HMCN2: variants seen among roughly 807,000 people sequenced by gnomAD.
HMCN2 encodes the protein hemicentin 2, also known as hemicentin-2.
Under a neutral mutation model 377.5 loss-of-function variants are expected in HMCN2, and 325 were observed. The observed-to-expected ratio is 0.86, with a 90% CI of 0.79 to 0.94. The LOEUF (loss-of-function observed/expected upper bound fraction) is 0.94, where lower values mean the gene tolerates loss of function less well. HMCN2 is among the 40% of genes least tolerant of loss of function. The probability of loss-of-function intolerance (pLI) is 0.00; values close to 1 mark genes in which losing one functional copy is unlikely to be tolerated. For synonymous variants in HMCN2, 2,007 were observed against 2,046.8 expected (o/e 0.98, Z 0.53); for missense variants, 4,543 against 4,725.3 (o/e 0.96, Z 1.13).
intron 30 of HMCN2, among the ~76,000 whole-genome samples, chr9:130,352,236 G>A (rs73549547): frequency 0.15 from 23,140 of 152,060 alleles, 1,996 homozygotes; most frequent in East Asian, 0.33. Flanking sequence ...ATTTAATATC[G>A]AAACTGTAAG....
At chr9:130,387,394 G>A (rs945101031) in intron 61 of HMCN2, among the ~76,000 whole-genome samples, 5 of 152,218 alleles carry the variant, frequency 3.3e-5, no homozygotes, top group Non-Finnish European at 7.3e-5. Context: ...AGGGACCCGG[G>A]TTCCTTCCCT....
At chr9:130,298,943 G>C (rs1836318892) in intron 7 of HMCN2, 82 bp from the exon 8 acceptor site, 1 of 404,086 alleles carries the variant, frequency 2.5e-6, no homozygotes, top group Admixed American at 2.8e-5. Context: ...CCCCTGGGGT[G>C]TGGTTCGAGG....
At chr9:130,395,885 C>A in intron 71 of HMCN2, 39 bp from the exon 72 acceptor site, 1 of 1,264,976 alleles carries the variant, frequency 7.9e-7, no homozygotes, top group Non-Finnish European at 1.0e-6. Flanking sequence ...CGCAGCTGGG[C>A]ACTGATAAGG....
chr9:130,322,784 G>A (rs1454339312), intron 19 of HMCN2, among the ~76,000 whole-genome samples: 1 of 152,138 alleles, frequency 6.6e-6, no homozygotes, highest in Non-Finnish European at 1.5e-5. Context: ...ACAGCACTGG[G>A]TTCTTTTATT....
rs200283759 is a variant in HMCN2, at chr9:130,302,964, C to T, written c.1384C>T (p.Arg462Ter). ...SALPFRLQLR[R>*]GEARLGEERH... ...CCTTCCCTTCCGGCTGCAGCTGCGG[C>T]GAGGTGAAGCCAGGCTGGGCGAAGA... The change falls in exon 9 of 98, where the codon CGA becomes TGA. Residue 462 changes from arginine to a stop codon, truncating the protein, a stop_gained. Coordinates refer to ENST00000683500, the MANE Select transcript of HMCN2 (RefSeq NM_001291815.2). LOFTEE classifies it high-confidence loss of function. 28 of 470,564 alleles carry T rather than the reference C, an allele frequency of 6.0e-5. No individual in the cohort carries two copies. In the East Asian group the frequency reaches 1.4e-3, roughly 23 times the overall value. The allele number at this position is 470,564 out of a possible 1,614,324, so 29.1% of individuals were successfully genotyped here. A position where few individuals can be genotyped will look rare whatever the true frequency, so the allele number is the denominator to read the frequency against.
intron 7 of HMCN2, 95 bp downstream of exon 7, chr9:130,296,889 T>C (rs1311402172): frequency 4.6e-5 from 20 of 432,018 alleles, no homozygotes; most frequent in Non-Finnish European, 4.8e-6. Flanking sequence ...GGGGAATGCT[T>C]GGCTGTGTGT....
In HMCN2 at chr9:130,304,371, T is replaced by G; in HGVS notation, c.1544-359T>G. Among the ~76,000 whole-genome samples, 1 of 152,212 alleles carries G rather than the reference T, an allele frequency of 6.6e-6. No homozygotes were observed. Among genetic ancestry groups the G allele is most frequent in the East Asian group, 1.9e-4 (1 of 5,188 alleles). On this transcript the variant is annotated intron_variant, in intron 10 of 97. Transcript: ENST00000683500. This position sits in a 1 kb window ranked among gnomAD's most constrained non-coding sequence, Gnocchi z 4.3. ...GAATCGTTTTGAACACATTACTCTC[T>G]TCCTCTGGCTGGAGACTTCCAAGGC...
chr9:130,365,854 C>A (rs1302392398), intron 42 of HMCN2, 22 bp from the exon 43 acceptor site: 3 of 984,614 alleles, frequency 3.0e-6, no homozygotes, highest in Non-Finnish European at 3.6e-6. Flanking sequence ...CCCCCACTAA[C>A]TCTCTCTCTG....
intron 4 of HMCN2, among the ~76,000 whole-genome samples, chr9:130,290,305 G>A (rs1554929580): frequency 6.6e-6 from 1 of 152,224 alleles, no homozygotes; most frequent in African/African-American, 2.4e-5. Flanking sequence ...TATGCTTACA[G>A]GGCAGGCCAT....
chr9:130,366,467 A>ATTTTTTTTTT (rs71499234), intron 43 of HMCN2, among the ~76,000 whole-genome samples: 3 of 82,976 alleles, frequency 3.6e-5, no homozygotes, highest in South Asian at 5.1e-4. Context: ...CACTTCACCA[A>ATTTTTTTTTT]TTTTTTTTTT....
intron 1 of HMCN2, among the ~76,000 whole-genome samples, chr9:130,267,444 AC>A (rs1554919576): frequency 1.2e-5 from 1 of 85,336 alleles, no homozygotes; most frequent in Non-Finnish European, 2.6e-5. Flanking sequence ...AAACACACAC[AC>A]ACACACACAC....
chr9:130,344,663 G>C (rs1236964081), intron 25 of HMCN2, among the ~76,000 whole-genome samples: 1 of 151,088 alleles, frequency 6.6e-6, no homozygotes, highest in Non-Finnish European at 1.5e-5. Context: ...TTTGTGTGTG[G>C]TGTGTGTATG....
intron 57 of HMCN2, 26 bp from the exon 58 acceptor site, chr9:130,384,347 C>T: frequency 7.8e-7 from 1 of 1,276,670 alleles, no homozygotes; most frequent in Non-Finnish European, 1.0e-6. Flanking sequence ...TCATGCCTTT[C>T]TCTACCGTGG....
chr9:130,287,135 A>G (rs990411269), intron 4 of HMCN2, among the ~76,000 whole-genome samples: 1 of 152,114 alleles, frequency 6.6e-6, no homozygotes, highest in Admixed American at 6.5e-5. Context: ...CGGAGCCTAC[A>G]CAAGTGGCTC....
chr9:130,401,449 AG>A (rs2131716528), intron 77 of HMCN2, among the ~76,000 whole-genome samples: 1 of 152,184 alleles, frequency 6.6e-6, no homozygotes, highest in South Asian at 2.1e-4. Context: ...TCAGCTTCCC[AG>A]GTAGCTGAGA....
rs1250894901 is a variant in HMCN2, at chr9:130,310,113, C to G, written c.2350+52C>G. ...CCCTGCCCATTCCCCTTTCCCAGCCCTCTGCCTGCTTCTGAGTAGGGAGGG... is the reference window on the plus strand; with the variant it reads ...CCCTGCCCATTCCCCTTTCCCAGCCGTCTGCCTGCTTCTGAGTAGGGAGGG... On this transcript the variant is annotated intron_variant, in intron 15 of 97. Coordinates refer to ENST00000683500, the MANE Select transcript of HMCN2 (RefSeq NM_001291815.2). The G allele has an allele frequency of 8.5e-6, 4 of 467,904 alleles. No homozygotes were observed. The East Asian group carries it at 2.4e-4, about 29-fold the overall frequency. 29.0% of individuals were successfully genotyped at this position (467,904 alleles called of 1,614,324 possible).
At chr9:130,348,917 C>T in intron 27 of HMCN2, 67 bp from the exon 28 acceptor site, 1 of 1,268,926 alleles carries the variant, frequency 7.9e-7, no homozygotes, top group Non-Finnish European at 1.0e-6. Context: ...TCAGTTTCCT[C>T]ATTACTGATG....
At chr9:130,326,937 A>G (rs1838164987) in intron 21 of HMCN2, among the ~76,000 whole-genome samples, 1 of 152,168 alleles carries the variant, frequency 6.6e-6, no homozygotes, top group African/African-American at 2.4e-5. Context: ...TAAGTGAATG[A>G]GCAAGGGGAG....
intron 7 of HMCN2, among the ~76,000 whole-genome samples, chr9:130,298,608 G>GA (rs1235612748): frequency 6.6e-6 from 1 of 152,148 alleles, no homozygotes; most frequent in African/African-American, 2.4e-5. Context: ...GAAAACCAAA[G>GA]AAAACCTGAA....
Sources: gnomAD v4.1 joint callset for allele counts (sites outside exome capture counted in the v4.1 genomes callset) on GRCh38, gnomAD v4.1.1 for gene constraint, Gnocchi (gnomAD v3.1) non-coding constraint, MANE v1.5 for transcripts, NCBI Gene and HGNC (gene_info 2026-07-23, HGNC 2026-07-21) for gene names.